The following DZIP1 variants were observed in gnomAD, a reference collection of about 807,000 sequenced individuals.
The protein encoded by DZIP1 is cilium assembly protein DZIP1.
Under a neutral mutation model 107.6 loss-of-function variants are expected in DZIP1, and 97 were observed. That is an observed-to-expected ratio of 0.90 (90% confidence interval 0.77 to 1.07). The LOEUF is 1.07. DZIP1 is among the 50% of genes least tolerant of loss of function. The pLI is 0.00. For missense variants in DZIP1, 1,035 were observed against 1,063.6 expected (o/e 0.97, Z 0.37); for synonymous variants, 390 against 386.4 (o/e 1.01, Z -0.11).
intron 10 of DZIP1, 104 bp from the exon 11 acceptor site, chr13:95,612,281 G>A (rs1393931476): frequency 3.9e-6 from 5 of 1,283,376 alleles, no homozygotes; most frequent in African/African-American, 1.5e-5. Context: ...CTAGCCTGAT[G>A]CTATCCGTGC....
At chr13:95,644,280 G>T (rs1878864355) in intron 1 of DZIP1, 97 bp downstream of exon 1, 1 of 152,392 alleles carries the variant, frequency 6.6e-6, no homozygotes, top group Non-Finnish European at 1.5e-5. Context: ...GGCTCGGCTC[G>T]CAGCCTGGAG....
At chr13:95,597,807 G>A (rs1376603919) in intron 15 of DZIP1, among the ~76,000 whole-genome samples, 3 of 152,188 alleles carry the variant, frequency 2.0e-5, no homozygotes, top group Non-Finnish European at 4.4e-5. Flanking sequence ...ATCACCTAGT[G>A]ATAGATAATT....
Position 95,605,985 on chromosome 13 carries a change from A to G in DZIP1, c.1477+18T>C. On this transcript the variant is annotated intron_variant, in intron 14 of 22. Coordinates refer to ENST00000376829, the MANE Select transcript of DZIP1 (RefSeq NM_198968.4). ...TGGCAACTGCACATAAAACGCTGAG[A>G]CTATTACTGAAACTTACCATGCACC... 2.5e-6 allele frequency: 4 copies of G among 1,613,324 alleles called. No homozygotes were observed. Among genetic ancestry groups the G allele is most frequent in the Non-Finnish European group, 3.4e-6 (4 of 1,179,384 alleles).
rs945003668 is a variant in DZIP1 at position 95,581,350 on chromosome 13, AACAT to A, written c.*880_*883del. ...TTGGGTATTTTAAATAGTAAAAAAAAACATACATATGTGAATTCAGTAATGGCTC... is the reference window on the plus strand; with the variant it reads ...TTGGGTATTTTAAATAGTAAAAAAAAACATATGTGAATTCAGTAATGGCTC... On this transcript the variant is annotated 3_prime_UTR_variant, in exon 23 of 23. Transcript: ENST00000376829. 2 of 152,658 alleles carry A rather than the reference AACAT, an allele frequency of 1.3e-5. No individual in the cohort carries two copies. Among genetic ancestry groups the A allele is most frequent in the African/African-American group, 4.8e-5 (2 of 41,454 alleles). The allele number at this position is 152,658 out of a possible 1,614,324, so 9.5% of individuals were successfully genotyped here.
chr13:95,630,597 G>T, intron 6 of DZIP1: 1 of 611,444 alleles, frequency 1.6e-6, no homozygotes, highest in Non-Finnish European at 2.3e-6. Context: ...GGACTTGGGG[G>T]GCATTCAAAA....
In DZIP1 at chr13:95,612,054, T is replaced by A. The variant is rs2045027152; in HGVS notation, c.1297A>T (p.Ile433Leu). Residue 433 changes from isoleucine to leucine, a missense_variant, in exon 11 of 23, where the codon ATA becomes TTA. Ile to Leu is a conservative substitution (Grantham distance 5, BLOSUM62 2). Coordinates refer to ENST00000376829, the MANE Select transcript of DZIP1 (RefSeq NM_198968.4). Reference protein sequence around the residue: ...QRLQEQNELIITQRQQIKDFT... With the variant: ...QRLQEQNELILTQRQQIKDFT... The stretch of plus-strand genomic sequence containing the variant: ...AGACATACCTGCTGTCTCTGAGTTA[T>A]AATCAGCTCATTCTGCTCCTGGAGT... 2 of 1,613,686 alleles carry A rather than the reference T, an allele frequency of 1.2e-6. No individual in the cohort carries two copies. Among genetic ancestry groups the A allele is most frequent in the Non-Finnish European group, 1.7e-6 (2 of 1,180,020 alleles).
intron 22 of DZIP1, 145 bp from the exon 23 acceptor site, chr13:95,582,458 T>A: frequency 1.4e-6 from 1 of 711,412 alleles, no homozygotes; most frequent in South Asian, 1.7e-5. Flanking sequence ...CCAACCCTCA[T>A]GAGCTATGTA....
chr13:95,613,440 A>T (rs2045078758), intron 10 of DZIP1, among the ~76,000 whole-genome samples: 1 of 151,758 alleles, frequency 6.6e-6, no homozygotes, highest in Non-Finnish European at 1.5e-5. Context: ...TGAACCCCGG[A>T]GGCAGAGGCT....
intron 3 of DZIP1, among the ~76,000 whole-genome samples, chr13:95,642,810 T>C (rs1419622273): frequency 6.6e-6 from 1 of 151,824 alleles, no homozygotes; most frequent in East Asian, 1.9e-4. Flanking sequence ...GCAGGCTTTC[T>C]AGATTTCTGA....
intron 3 of DZIP1, among the ~76,000 whole-genome samples, chr13:95,642,574 AAAATATATATAATT>A (rs1185697201): frequency 6.6e-6 from 1 of 152,246 alleles, no homozygotes; most frequent in Non-Finnish European, 1.5e-5. Context: ...ATTAAGCAAT[AAAATATATATAATT>A]AAATGTGATA....
chr13:95,587,557 C>T lies in DZIP1; in HGVS notation c.2200G>A (p.Asp734Asn), dbSNP rs1253920307. The T allele has an allele frequency of 6.2e-7, 1 of 1,614,018 alleles. No homozygotes were observed. The highest frequency in any genetic ancestry group is 1.3e-5 in the African/African-American group (1 of 75,018). The change falls in exon 20 of 23, where the codon GAT (aspartate) becomes AAT (asparagine). Residue 734 changes from aspartate to asparagine, a missense_variant. By Grantham distance (23) the Asp-to-Asn change is conservative. Transcript: ENST00000376829. ...AGCTCACCTGCGGGCTTGGGAGAAT[C>T]ATCAGTGTCCTCGATTTCGCTTCCC... The part of the protein sequence containing the change: ...TEGSEIEDTD[D>N]SPKPAGVAVK...
chr13:95,597,094 G>T (rs2044476939), intron 15 of DZIP1, among the ~76,000 whole-genome samples: 1 of 152,176 alleles, frequency 6.6e-6, no homozygotes, highest in Non-Finnish European at 1.5e-5. Flanking sequence ...GCACCCAATG[G>T]TGGTGTTTGC....
rs73548765 is a variant in DZIP1, at chr13:95,641,392, G to A, written c.500C>T (p.Ala167Val). ...TTCCTTGAGCGTCTTGATCTCCCCC[G>A]CCTGCTTGGTGAGCAGCTTCTTGCT... is the stretch of plus-strand genomic sequence containing the variant. Reference protein sequence around the residue: ...EQSKKLLTKQAGEIKTLKEEC... With the variant: ...EQSKKLLTKQVGEIKTLKEEC... The change falls in exon 5 of 23, where the codon GCG (alanine) becomes GTG (valine). Residue 167 changes from alanine (A) to valine (V), a missense_variant. By Grantham distance (64) the Ala-to-Val change is moderately conservative. Transcript: ENST00000376829. This position sits in a 1 kb window ranked among gnomAD's most constrained non-coding sequence, Gnocchi z 4.3. 101 of 1,614,094 alleles carry A rather than the reference G, an allele frequency of 6.3e-5. No individual in the cohort carries two copies. The African/African-American group carries it at 6.9e-4, about 11-fold the overall frequency.
In DZIP1 at chr13:95,636,499, C is replaced by A. The variant is rs138479777; in HGVS notation, c.598-3178G>T. Among the ~76,000 whole-genome samples the A allele has an allele frequency of 1.2e-3, 179 of 146,302 alleles. 1 individual carries two copies. Among genetic ancestry groups the A allele is most frequent in the African/African-American group, 4.0e-3 (158 of 39,544 alleles). ...TGGAGGTTGCAGTGAGACAAGATTG[C>A]GCCACTGCACTCGGGGCCAGGGTGA... On this transcript the variant is annotated intron_variant, in intron 5 of 22. Coordinates refer to ENST00000376829, the MANE Select transcript of DZIP1 (RefSeq NM_198968.4).
rs142144995 is a variant in DZIP1 at position 95,641,472 on chromosome 13, C to T, written c.420G>A (p.Ser140=). The change falls in exon 5 of 23, where the codon TCG becomes TCA. Residue 140 remains serine, a synonymous_variant. Coordinates refer to ENST00000376829, the MANE Select transcript of DZIP1 (RefSeq NM_198968.4). The surrounding 1 kb of genome is among the most constrained non-coding windows in gnomAD (Gnocchi z 4.3). ...GCCGCTCCTCCAGGGTGTGCAGCTG[C>T]GAGGTGAGGAACTCTTGTGAGTGCA... ...YLLHSQEFLT[S]QLHTLEERLR... 8.1e-6 allele frequency: 13 copies of T among 1,613,974 alleles called. No individual in the cohort carries two copies. The African/African-American group carries it at 1.7e-4, about 22-fold the overall frequency.
rs2044022138 is a variant in DZIP1 at position 95,582,086 on chromosome 13, T to C, written c.*148A>G. ...TTTTCAATACTGTATTGGGTGCCAT[T>C]AAAGAGACCATTGTTCTTTGAATCA... On this transcript the variant is annotated 3_prime_UTR_variant, in exon 23 of 23. Coordinates refer to ENST00000376829, the MANE Select transcript of DZIP1 (RefSeq NM_198968.4). 1 of 699,312 alleles carries C rather than the reference T, an allele frequency of 1.4e-6. No individual in the cohort carries two copies. Among genetic ancestry groups the C allele is most frequent in the Non-Finnish European group, 2.5e-6 (1 of 401,308 alleles). 43.3% of individuals were successfully genotyped at this position (699,312 alleles called of 1,614,324 possible).
chr13:95,624,845 C>A lies in DZIP1; in HGVS notation c.895G>T (p.Asp299Tyr). The A allele has an allele frequency of 6.2e-7, 1 of 1,612,414 alleles. No individual in the cohort carries two copies. The highest frequency in any genetic ancestry group is 8.5e-7 in the Non-Finnish European group (1 of 1,178,936). Residue 299 changes from aspartate (D) to tyrosine (Y), a missense_variant, in exon 8 of 23, where the codon GAT becomes TAT. Asp to Tyr is a radical substitution (Grantham distance 160). Transcript: ENST00000376829. ...WKEEEKEKLV[D>Y]EMEKVKEMFM... ...ATCTCCTTGACTTTTTCCATTTCAT[C>A]AACTAGTTTCTCCTTTTCTTCTTCT...
chr13:95,585,133 A>T (rs1033328079), intron 21 of DZIP1, among the ~76,000 whole-genome samples: 1 of 152,226 alleles, frequency 6.6e-6, no homozygotes, highest in Non-Finnish European at 1.5e-5. Context: ...CCATGGAAAT[A>T]TATGTTTCCT....
chr13:95,628,301 C>A (rs1174691942), intron 7 of DZIP1, among the ~76,000 whole-genome samples: 1 of 152,094 alleles, frequency 6.6e-6, no homozygotes, highest in Non-Finnish European at 1.5e-5. Flanking sequence ...TCTTGGCCTC[C>A]CAAAATACTG....
Sources: allele counts gnomAD v4.1 joint callset (sites outside exome capture counted in the v4.1 genomes callset), GRCh38; gene constraint gnomAD v4.1.1; non-coding constraint Gnocchi (gnomAD v3.1); transcripts MANE v1.5; gene names NCBI Gene and HGNC (gene_info 2026-07-23, HGNC 2026-07-21).